ACSM1: variants seen among roughly 807,000 people sequenced by gnomAD.
ACSM1 encodes the protein acyl-CoA synthetase medium chain family member 1, also known as acyl-coenzyme A synthetase ACSM1, mitochondrial.
A neutral mutation model predicts 75.8 loss-of-function variants in ACSM1; 79 were observed. The observed-to-expected ratio is 1.04, with a 90% CI of 0.87 to 1.26. The LOEUF is 1.26. ACSM1 is among the 50% of genes most tolerant of loss of function. ACSM1 has a pLI of 0.00. For missense variants in ACSM1, 676 were observed against 720.1 expected, an observed-to-expected ratio of 0.94 and a Z score of 0.70; for synonymous variants, 279 against 265.8, an observed-to-expected ratio of 1.05 and a Z score of -0.48.
At chr16:20,668,651 G>T (rs2019708570) in intron 6 of ACSM1, among the ~76,000 whole-genome samples, 1 of 152,096 alleles carries the variant, frequency 6.6e-6, no homozygotes, top group Non-Finnish European at 1.5e-5. Flanking sequence ...CTGCATTGAT[G>T]TGCTTGCTGA....
intron 8 of ACSM1, 48 bp from the exon 9 acceptor site, chr16:20,637,499 G>T: frequency 1.4e-6 from 2 of 1,479,424 alleles, no homozygotes; most frequent in South Asian, 1.1e-5. Flanking sequence ...AGGCCAGGCT[G>T]ATCACAAAGC....
intron 7 of ACSM1, among the ~76,000 whole-genome samples, chr16:20,641,740 C>A (rs1404586384): frequency 6.6e-6 from 1 of 152,192 alleles, no homozygotes; most frequent in East Asian, 1.9e-4. Flanking sequence ...ATTGCCCCCA[C>A]AACCTGGTGT....
intron 10 of ACSM1, among the ~76,000 whole-genome samples, chr16:20,636,087 C>T (rs554862738): frequency 2.3e-4 from 35 of 152,244 alleles, no homozygotes; most frequent in African/African-American, 8.2e-4. Context: ...CCAGGACAGC[C>T]GCCAATGAAA....
intron 2 of ACSM1, among the ~76,000 whole-genome samples, chr16:20,689,784 G>A (rs546996913): frequency 6.6e-6 from 1 of 151,986 alleles, no homozygotes; most frequent in Non-Finnish European, 1.5e-5. Context: ...TCCAGTCTGG[G>A]CAATGAAAAA....
chr16:20,681,957 A>T, intron 4 of ACSM1: 1 of 255,502 alleles, frequency 3.9e-6, no homozygotes, highest in South Asian at 5.5e-5. Flanking sequence ...AAGTTGTAAA[A>T]CATGTTTTTC....
chr16:20,694,759 A>G (rs1224449440), intron 1 of ACSM1, among the ~76,000 whole-genome samples: 1 of 152,216 alleles, frequency 6.6e-6, no homozygotes, highest in Admixed American at 6.5e-5. Context: ...AATATTTCAG[A>G]ACACCACTGT....
In ACSM1 at chr16:20,625,528, G is replaced by A. The variant is rs1304784763; in HGVS notation, c.1428-6C>T. ...CTGCAGGCCCGATGCGATACCTGGAGGATGAAGGGTTCTGAGGCAGATGCC... is the reference window on the plus strand; with the variant it reads ...CTGCAGGCCCGATGCGATACCTGGAAGATGAAGGGTTCTGAGGCAGATGCC... On this transcript the variant is annotated splice_region_variant and splice_polypyrimidine_tract_variant and intron_variant, in intron 11 of 13. Coordinates refer to ENST00000520010, the MANE Select transcript of ACSM1 (RefSeq NM_001318890.3). The A allele has an allele frequency of 6.2e-7, 1 of 1,613,346 alleles. No individual in the cohort carries two copies. Among genetic ancestry groups the A allele is most frequent in the South Asian group, 1.1e-5 (1 of 90,942 alleles).
At chr16:20,631,264 C>T (rs1236011171) in intron 10 of ACSM1, among the ~76,000 whole-genome samples, 2 of 152,080 alleles carry the variant, frequency 1.3e-5, no homozygotes, top group Non-Finnish European at 2.9e-5. Context: ...ACTGGAGTTG[C>T]TTTTTAAAGG....
chr16:20,696,051 T>A (rs1199061601), intron 1 of ACSM1, among the ~76,000 whole-genome samples: 1 of 152,198 alleles, frequency 6.6e-6, no homozygotes, highest in Non-Finnish European at 1.5e-5. Flanking sequence ...TACCATCGTG[T>A]CATGACTGCC....
chr16:20,670,547 A>T (rs1295232732), intron 5 of ACSM1, among the ~76,000 whole-genome samples: 2 of 152,102 alleles, frequency 1.3e-5, no homozygotes, highest in African/African-American at 4.8e-5. Flanking sequence ...TCCCTAAAAA[A>T]CTTTCAATAT....
At chr16:20,631,200 G>A (rs1324857381) in intron 10 of ACSM1, among the ~76,000 whole-genome samples, 1 of 152,178 alleles carries the variant, frequency 6.6e-6, no homozygotes, top group African/African-American at 2.4e-5. Flanking sequence ...TTCATAGATG[G>A]CTGTCTTCTT....
chr16:20,697,239 A>AT (rs915018773), intron 1 of ACSM1, among the ~76,000 whole-genome samples: 4 of 151,792 alleles, frequency 2.6e-5, no homozygotes, highest in African/African-American at 9.7e-5. Context: ...TGCTTGGATA[A>AT]TTTTTTTTAG....
chr16:20,639,420 C>T (rs1309281529), intron 8 of ACSM1, among the ~76,000 whole-genome samples: 1 of 152,144 alleles, frequency 6.6e-6, no homozygotes, highest in Non-Finnish European at 1.5e-5. Flanking sequence ...CTTCCTCCTG[C>T]CTCTGCAGCC....
chr16:20,631,519 T>A (rs1488634564), intron 10 of ACSM1, among the ~76,000 whole-genome samples: 1 of 152,202 alleles, frequency 6.6e-6, no homozygotes, highest in Non-Finnish European at 1.5e-5. Flanking sequence ...CACTACTGCG[T>A]ATCTACCCAA....
At chr16:20,638,623 T>C (rs986742465) in intron 8 of ACSM1, among the ~76,000 whole-genome samples, 3 of 152,230 alleles carry the variant, frequency 2.0e-5, no homozygotes, top group African/African-American at 7.2e-5. Context: ...TCTGTTAAGA[T>C]TGGCATTATA....
chr16:20,691,190 G>A lies in ACSM1; in HGVS notation c.-2C>T, dbSNP rs779753746. The A allele has an allele frequency of 1.9e-6, 3 of 1,568,046 alleles. No homozygotes were observed. In the South Asian group the frequency reaches 3.6e-5, roughly 19 times the overall value. Reference sequence around the variant, plus strand: ...CCGGAACCTCATTAGCCACTGCATGGTGAAACAGTCCTCAGAAACCAGGCA... The same window carrying A: ...CCGGAACCTCATTAGCCACTGCATGATGAAACAGTCCTCAGAAACCAGGCA... On this transcript the variant is annotated 5_prime_UTR_variant, in exon 2 of 14. Transcript: ENST00000520010.
At chr16:20,660,956 A>G (rs1764510499) in intron 7 of ACSM1, among the ~76,000 whole-genome samples, 1 of 152,198 alleles carries the variant, frequency 6.6e-6, no homozygotes, top group African/African-American at 2.4e-5. Flanking sequence ...ACATGGAACA[A>G]TGGAAATTCT....
Position 20,627,293 on chromosome 16 carries a change from T to A in ACSM1, c.1323A>T (p.Lys441Asn). 6.3e-7 allele frequency: 1 copy of A among 1,580,998 alleles called. No individual in the cohort carries two copies. Among genetic ancestry groups the A allele is most frequent in the South Asian group, 1.2e-5 (1 of 84,556 alleles). ...TGTTGTAGAAGTCCCCACATTCCAC[T>A]TTAGCTGTCTTCTCTGGGTCACCCT... ...CYEGDPEKTA[K>N]VECGDFYNTG... The change falls in exon 11 of 14, where the codon AAA becomes AAT. Residue 441 changes from lysine to asparagine, a missense_variant. Lys to Asn is a moderately conservative substitution (Grantham distance 94). Coordinates refer to ENST00000520010, the MANE Select transcript of ACSM1 (RefSeq NM_001318890.3).
chr16:20,672,464 AAAAAAAAAT>A (rs2019974188), intron 4 of ACSM1, among the ~76,000 whole-genome samples: 1 of 114,756 alleles, frequency 8.7e-6, no homozygotes, highest in Non-Finnish European at 1.7e-5. Flanking sequence ...AAAAAAAAAA[AAAAAAAAAT>A]ATATATATAT....
Sources: gnomAD v4.1 joint callset for allele counts (sites outside exome capture counted in the v4.1 genomes callset) on GRCh38, gnomAD v4.1.1 for gene constraint, MANE v1.5 for transcripts, NCBI Gene and HGNC (gene_info 2026-07-23, HGNC 2026-07-21) for gene names.